The following KCNIP4 variants were observed in gnomAD, a reference collection of about 807,000 sequenced individuals.
KCNIP4 encodes potassium voltage-gated channel interacting protein 4.
KCNIP4 carries 12 observed loss-of-function variants against 34.0 expected under a neutral mutation model. The observed-to-expected ratio is 0.35, with a 90% CI of 0.23 to 0.57. The LOEUF is 0.57. Among genes scored for constraint, KCNIP4 ranks in the 20% least tolerant of loss-of-function variants. The probability of loss-of-function intolerance (pLI) is 0.83; values close to 1 mark genes in which losing one functional copy is unlikely to be tolerated. For synonymous variants in KCNIP4, 124 were observed against 102.2 expected, an observed-to-expected ratio of 1.21 and a Z score of -1.29; for missense variants, 238 against 311.7, an observed-to-expected ratio of 0.76 and a Z score of 1.78.
intron 1 of KCNIP4, among the ~76,000 whole-genome samples, chr4:21,724,351 T>C (rs973393478): frequency 4.0e-5 from 6 of 150,640 alleles, no homozygotes; most frequent in South Asian, 2.1e-4. Context: ...AAGCCATCTA[T>C]ATAACCCTAA....
chr4:21,801,438 T>C (rs976680817), intron 1 of KCNIP4, among the ~76,000 whole-genome samples: 1 of 152,056 alleles, frequency 6.6e-6, no homozygotes, highest in Non-Finnish European at 1.5e-5. Flanking sequence ...TTATAGAAAT[T>C]GTGCCATGGA....
At chr4:21,271,411 T>C (rs35784874) in intron 1 of KCNIP4, among the ~76,000 whole-genome samples, 38,911 of 152,066 alleles carry the variant, frequency 0.26, 5,126 homozygotes, top group South Asian at 0.35. Context: ...AGGACTTTCT[T>C]ATGCTGTGAA....
intron 1 of KCNIP4, among the ~76,000 whole-genome samples, chr4:21,529,303 G>T (rs958333871): frequency 2.6e-5 from 4 of 152,140 alleles, no homozygotes; most frequent in African/African-American, 4.8e-5. Flanking sequence ...GAGGAGAAAG[G>T]GTGCAAAATA....
At chr4:21,717,489 A>C (rs1381725016) in intron 1 of KCNIP4, among the ~76,000 whole-genome samples, 3 of 152,212 alleles carry the variant, frequency 2.0e-5, no homozygotes, top group Non-Finnish European at 4.4e-5. Flanking sequence ...CCTCAAAAAA[A>C]GCTGAGCCTT....
intron 1 of KCNIP4, among the ~76,000 whole-genome samples, chr4:20,989,072 G>A (rs1412755130): frequency 6.6e-6 from 1 of 152,128 alleles, no homozygotes; most frequent in East Asian, 1.9e-4. Context: ...ATCACCCTTT[G>A]TTAGGATGAT....
chr4:21,390,705 G>C (rs564368867), intron 1 of KCNIP4, among the ~76,000 whole-genome samples: 1 of 152,078 alleles, frequency 6.6e-6, no homozygotes, highest in Non-Finnish European at 1.5e-5. Flanking sequence ...GGTTACTATA[G>C]CCTTGTAGTA....
At chr4:21,661,653 T>C (rs1003728960) in intron 1 of KCNIP4, among the ~76,000 whole-genome samples, 8 of 152,136 alleles carry the variant, frequency 5.3e-5, no homozygotes, top group Admixed American at 2.6e-4. Context: ...ATGAGCCAAA[T>C]TGGCCAGAGT....
chr4:21,168,393 T>A (rs16870511), intron 1 of KCNIP4, among the ~76,000 whole-genome samples: 8,044 of 152,210 alleles, frequency 0.053, 272 homozygotes, highest in East Asian at 0.15. Context: ...ATGGCCATAG[T>A]TTCCTGAGTC....
At chr4:21,063,846 A>G (rs541983560) in intron 1 of KCNIP4, among the ~76,000 whole-genome samples, 1 of 152,138 alleles carries the variant, frequency 6.6e-6, no homozygotes, top group Admixed American at 6.6e-5. Flanking sequence ...GAATAAAAAA[A>G]TTCTTAATCA....
chr4:20,940,185 C>G (rs1318591191), intron 1 of KCNIP4, among the ~76,000 whole-genome samples: 1 of 152,188 alleles, frequency 6.6e-6, no homozygotes, highest in Non-Finnish European at 1.5e-5. Context: ...TCCATTAAGG[C>G]ACAGCCCAGT....
chr4:21,347,698 T>C (rs1717589671), intron 1 of KCNIP4, among the ~76,000 whole-genome samples: 1 of 152,228 alleles, frequency 6.6e-6, no homozygotes, highest in Non-Finnish European at 1.5e-5. Context: ...AGTATAGTGC[T>C]TGGCACATTA....
rs553674443 is a variant in KCNIP4, at chr4:20,995,705, C to T, written c.62-112996G>A. Among the ~76,000 whole-genome samples, 23 of 152,274 alleles carry T rather than the reference C, an allele frequency of 1.5e-4. No individual in the cohort carries two copies. The South Asian group carries it at 4.2e-3, about 27-fold the overall frequency. On this transcript the variant is annotated intron_variant, in intron 1 of 8. Coordinates refer to ENST00000382152, the MANE Select transcript of KCNIP4 (RefSeq NM_025221.6). ...TCTGTTTGACAAGATCCTCAGATTT[C>T]GATGCCATCGCTCAGTAATCTCTTC...
chr4:21,354,750 A>T (rs1395572926), intron 1 of KCNIP4, among the ~76,000 whole-genome samples: 1 of 152,046 alleles, frequency 6.6e-6, no homozygotes, highest in Non-Finnish European at 1.5e-5. Context: ...AAGACAGAAG[A>T]TTAACAAGGA....
At position 20,730,042 on chromosome 4, in the gene KCNIP4, GTTCACATTTGTCT is replaced by G. The variant is rs1560397020; in HGVS notation, c.*27_*39del. 1 of 1,591,396 alleles carries G rather than the reference GTTCACATTTGTCT, an allele frequency of 6.3e-7. No homozygotes were observed. On this transcript the variant is annotated 3_prime_UTR_variant, in exon 9 of 9. Coordinates refer to ENST00000382152, the MANE Select transcript of KCNIP4 (RefSeq NM_025221.6). ...CTCCAACTTTAAGGGTGGTAGAATA[GTTCACATTTGTCT>G]GTTGGATTCAGGATCTATTTGACAA... is the stretch of plus-strand genomic sequence containing the variant.
At chr4:20,968,127 A>G (rs1734558610) in intron 1 of KCNIP4, among the ~76,000 whole-genome samples, 9 of 152,170 alleles carry the variant, frequency 5.9e-5, no homozygotes, top group Admixed American at 5.2e-4. Context: ...GATATGAACA[A>G]ACACTTCTCA....
chr4:21,654,323 G>A (rs962514452), intron 1 of KCNIP4, among the ~76,000 whole-genome samples: 5 of 152,182 alleles, frequency 3.3e-5, no homozygotes, highest in East Asian at 1.9e-4. Flanking sequence ...TGCCTTAATC[G>A]TGTACCTGGT....
chr4:21,059,627 G>A (rs1381194132), intron 1 of KCNIP4, among the ~76,000 whole-genome samples: 1 of 152,016 alleles, frequency 6.6e-6, no homozygotes, highest in African/African-American at 2.4e-5. Flanking sequence ...CTATTTTTAA[G>A]GAAAGTGTAT....
At chr4:21,914,934 C>A (rs955044730) in intron 1 of KCNIP4, among the ~76,000 whole-genome samples, 5 of 151,834 alleles carry the variant, frequency 3.3e-5, no homozygotes, top group Admixed American at 3.3e-4. Context: ...AGTAGTGAAG[C>A]TGCCAAGTAT....
intron 3 of KCNIP4, among the ~76,000 whole-genome samples, chr4:20,823,460 C>T (rs1384122803): frequency 6.6e-6 from 1 of 152,038 alleles, no homozygotes; most frequent in Non-Finnish European, 1.5e-5. Context: ...GAAATTCTAA[C>T]CCCCAATGTG....
Sources: gnomAD v4.1 joint callset for allele counts (sites outside exome capture counted in the v4.1 genomes callset) on GRCh38, gnomAD v4.1.1 for gene constraint, MANE v1.5 for transcripts, NCBI Gene and HGNC (gene_info 2026-07-23, HGNC 2026-07-21) for gene names.